Variants in GPAM observed in about 807,000 individuals in gnomAD.
GPAM encodes glycerol-3-phosphate acyltransferase, mitochondrial, also known as glycerol-3-phosphate acyltransferase 1, mitochondrial.
Under a neutral mutation model 105.0 loss-of-function variants are expected in GPAM, and 56 were observed. That is an observed-to-expected ratio of 0.53 (90% CI 0.43 to 0.67). The LOEUF (loss-of-function observed/expected upper bound fraction) is 0.67, where lower values mean the gene tolerates loss of function less well. GPAM is among the 30% of genes least tolerant of loss of function. The probability of loss-of-function intolerance (pLI) is 0.00; values close to 1 mark genes in which losing one functional copy is unlikely to be tolerated. For synonymous variants in GPAM, 368 were observed against 354.4 expected (o/e 1.04, Z -0.43); for missense variants, 855 against 989.8 (o/e 0.86, Z 1.83).
intron 1 of GPAM, among the ~76,000 whole-genome samples, chr10:112,201,645 G>A (rs1213946563): frequency 6.6e-6 from 1 of 152,126 alleles, no homozygotes; most frequent in Non-Finnish European, 1.5e-5. Flanking sequence ...AACTTGGCTA[G>A]CAACTTTCTG....
intron 20 of GPAM, chr10:112,154,899 T>C (rs1017721481): frequency 4.1e-5 from 25 of 611,616 alleles, no homozygotes; most frequent in Non-Finnish European, 7.3e-5. Context: ...TTGTCCTATA[T>C]TGAGGTAAAT....
chr10:112,186,499 T>C (rs1360128325), upstream of GPAM, among the ~76,000 whole-genome samples: 1 of 152,014 alleles, frequency 6.6e-6, no homozygotes, highest in Non-Finnish European at 1.5e-5. Context: ...AATACGTAGG[T>C]AAATAATTTT....
rs763494624 is a variant in GPAM at position 112,154,730 on chromosome 10, CA to C, written c.2312-44del. ...AACCCTGTCAAATGGTTACGCTCAA[CA>C]AATCATGACAATCCCAGCAGCCACA... is the stretch of plus-strand genomic sequence containing the variant. On this transcript the variant is annotated intron_variant, in intron 20 of 21. Coordinates refer to ENST00000348367, the MANE Select transcript of GPAM (RefSeq NM_001244949.2). The C allele has an allele frequency of 3.8e-6, 5 of 1,330,232 alleles. No homozygotes were observed. The African/African-American group carries it at 7.2e-5, about 19-fold the overall frequency. 82.4% of individuals were successfully genotyped at this position (1,330,232 alleles called of 1,614,324 possible).
chr10:112,197,622 T>C (rs556786106), intron 1 of GPAM, among the ~76,000 whole-genome samples: 20 of 148,450 alleles, frequency 1.3e-4, no homozygotes, highest in African/African-American at 4.0e-4. Context: ...TATCTCCCAA[T>C]GCTATCCCTC....
At chr10:112,170,679 C>G (rs752183392) in intron 9 of GPAM, among the ~76,000 whole-genome samples, 2 of 152,136 alleles carry the variant, frequency 1.3e-5, no homozygotes, top group Non-Finnish European at 2.9e-5. Flanking sequence ...GGAGAGAGGT[C>G]CCCTGGAGAG....
intron 1 of GPAM, among the ~76,000 whole-genome samples, chr10:112,213,965 CATAAA>C (rs1294991914): frequency 6.6e-6 from 1 of 152,144 alleles, no homozygotes; most frequent in Non-Finnish European, 1.5e-5. Flanking sequence ...TGGCAGTTTC[CATAAA>C]TTTATGAAGA....
At chr10:112,201,593 G>T (rs111977939) in intron 1 of GPAM, among the ~76,000 whole-genome samples, 1 of 152,194 alleles carries the variant, frequency 6.6e-6, no homozygotes, top group Non-Finnish European at 1.5e-5. Context: ...CATTCCTTCT[G>T]CAGACATTTG....
At chr10:112,176,770 G>A (rs1847412964) in intron 5 of GPAM, among the ~76,000 whole-genome samples, 1 of 152,192 alleles carries the variant, frequency 6.6e-6, no homozygotes, top group Non-Finnish European at 1.5e-5. Flanking sequence ...ATGTGCATGA[G>A]TGTGACAGTG....
At chr10:112,169,055 T>C (rs1416744362) in intron 9 of GPAM, 103 bp from the exon 10 acceptor site, 5 of 781,588 alleles carry the variant, frequency 6.4e-6, no homozygotes, top group Non-Finnish European at 1.1e-5. Context: ...ACAAGCCATA[T>C]GTGCCGTTTG....
chr10:112,192,452 A>C (rs909673542), intron 1 of GPAM, among the ~76,000 whole-genome samples: 1 of 152,216 alleles, frequency 6.6e-6, no homozygotes, highest in Non-Finnish European at 1.5e-5. Context: ...GAGGTGGCCG[A>C]TATTGGATAA....
Position 112,199,089 on chromosome 10 carries a change from ATGTGTGTGTGTGTGTGTG to A in GPAM, n.210+16061_210+16078del, listed in dbSNP as rs34627276. 4.4e-5 allele frequency among the ~76,000 whole-genome samples: 6 copies of A among 134,894 alleles called. 1 individual carries two copies. The South Asian group carries it at 8.0e-4, about 18-fold the overall frequency. The allele number at this position is 134,894 out of a possible 152,430, so 88.5% of individuals were successfully genotyped here. ...AGACACACGCCGCCACGCCTGGCTA[ATGTGTGTGTGTGTGTGTG>A]TGTGTGTGTGTGTGTGTGTGTGTAT... On this transcript the variant is annotated intron_variant and non_coding_transcript_variant, in intron 1 of 3. Coordinates refer to the GPAM transcript ENST00000480130.
chr10:112,174,443 C>G (rs937759881), intron 6 of GPAM, among the ~76,000 whole-genome samples: 1 of 152,150 alleles, frequency 6.6e-6, no homozygotes, highest in Non-Finnish European at 1.5e-5. Flanking sequence ...AACATTTAAT[C>G]CAGTTTTATA....
chr10:112,153,756 T>G, intron 21 of GPAM, 90 bp from the exon 22 acceptor site: 1 of 1,478,826 alleles, frequency 6.8e-7, no homozygotes, highest in Non-Finnish European at 9.2e-7. Flanking sequence ...GTCCTAGACC[T>G]CAGAAGGCAG....
chr10:112,153,263 T>TA lies in GPAM; in HGVS notation c.*286dup, dbSNP rs1188098473. 2 of 1,232,874 alleles carry TA rather than the reference T, an allele frequency of 1.6e-6. No individual in the cohort carries two copies. The highest frequency in any genetic ancestry group is 3.1e-5 in the African/African-American group (2 of 65,104). The allele number at this position is 1,232,874 out of a possible 1,614,324, so 76.4% of individuals were successfully genotyped here. On this transcript the variant is annotated 3_prime_UTR_variant, in exon 22 of 22. Transcript: ENST00000348367. ...AAGTTGTACTTAAAATGTCAATCTT[T>TA]AATAAACTCAAAAATAATTTATTGA...
chr10:112,168,252 C>T, intron 11 of GPAM, 60 bp downstream of exon 11: 2 of 1,001,302 alleles, frequency 2.0e-6, no homozygotes, highest in Non-Finnish European at 3.2e-6. Context: ...AATGTAAATT[C>T]TAAAAGTTAA....
At chr10:112,169,213 T>C (rs1847272052) in intron 9 of GPAM, among the ~76,000 whole-genome samples, 1 of 152,208 alleles carries the variant, frequency 6.6e-6, no homozygotes, top group Non-Finnish European at 1.5e-5. Context: ...GGAGTTTGCA[T>C]GACATATTAC....
chr10:112,150,152 C>T lies in GPAM; in HGVS notation c.*3398G>A, dbSNP rs1846889070. On this transcript the variant is annotated 3_prime_UTR_variant, in exon 22 of 22. Coordinates refer to ENST00000348367, the MANE Select transcript of GPAM (RefSeq NM_001244949.2). ...CATTAGTTTGTATTAAACTAAAATG[C>T]CAGACGGCAAGTCTCAGGTTTCTAA... The T allele has an allele frequency of 1.0e-5, 10 of 984,694 alleles. No individual in the cohort carries two copies. Among genetic ancestry groups the T allele is most frequent in the Non-Finnish European group, 1.2e-5 (10 of 829,396 alleles). 61.0% of individuals were successfully genotyped at this position (984,694 alleles called of 1,614,324 possible). A position where few individuals can be genotyped will look rare whatever the true frequency, so the allele number is the denominator to read the frequency against.
intron 19 of GPAM, 69 bp from the exon 20 acceptor site, chr10:112,156,122 G>T (rs1847014302): frequency 3.7e-6 from 4 of 1,077,588 alleles, no homozygotes; most frequent in South Asian, 2.6e-5. Flanking sequence ...GTGGACAGAG[G>T]ACTTTCTCTG....
upstream of GPAM, among the ~76,000 whole-genome samples, chr10:112,188,526 C>T (rs1387416715): frequency 2.0e-5 from 3 of 152,178 alleles, no homozygotes; most frequent in Non-Finnish European, 4.4e-5. Flanking sequence ...TATTCCCTCT[C>T]TGTTTCCCTC....
Sources: gnomAD v4.1 joint callset for allele counts (sites outside exome capture counted in the v4.1 genomes callset) on GRCh38, gnomAD v4.1.1 for gene constraint, MANE v1.5 for transcripts, NCBI Gene and HGNC (gene_info 2026-07-23, HGNC 2026-07-21) for gene names.